The following OSBPL1A variants were observed in gnomAD, a reference collection of about 807,000 sequenced individuals.
OSBPL1A encodes the protein oxysterol-binding protein-related protein 1.
Under a neutral mutation model 137.1 loss-of-function variants are expected in OSBPL1A, and 80 were observed. That is an observed-to-expected ratio of 0.58 (90% CI 0.49 to 0.70). The LOEUF (loss-of-function observed/expected upper bound fraction) is 0.70. Ranked by LOEUF, OSBPL1A falls within the 30% of genes least tolerant of loss-of-function variation. OSBPL1A has a pLI of 0.00. For synonymous variants in OSBPL1A, 365 were observed against 389.7 expected, an observed-to-expected ratio of 0.94 and a Z score of 0.75; for missense variants, 970 against 1,129.4, an observed-to-expected ratio of 0.86 and a Z score of 2.02.
intron 15 of OSBPL1A, among the ~76,000 whole-genome samples, chr18:24,268,348 G>A (rs546457910): frequency 6.6e-6 from 1 of 151,990 alleles, no homozygotes; most frequent in South Asian, 2.1e-4. Context: ...TCAAATTCCT[G>A]AGCTCAGGGG....
intron 7 of OSBPL1A, among the ~76,000 whole-genome samples, chr18:24,331,747 CTTCTGA>C (rs1477684146): frequency 6.6e-6 from 1 of 152,152 alleles, no homozygotes; most frequent in African/African-American, 2.4e-5. Flanking sequence ...TCTTTTCTGG[CTTCTGA>C]TTCTGTCTTT....
chr18:24,281,081 T>A (rs911164344), intron 14 of OSBPL1A, 133 bp from the exon 15 acceptor site: 2 of 544,322 alleles, frequency 3.7e-6, no homozygotes, highest in Non-Finnish European at 6.1e-6. Context: ...ATATCATGTT[T>A]CTTTTCTTTT....
At chr18:24,173,936 C>G (rs2086359349) in intron 21 of OSBPL1A, among the ~76,000 whole-genome samples, 1 of 152,220 alleles carries the variant, frequency 6.6e-6, no homozygotes, top group Non-Finnish European at 1.5e-5. Flanking sequence ...TTATCCCCAA[C>G]AACTGATCTG....
intron 4 of OSBPL1A, among the ~76,000 whole-genome samples, chr18:24,351,304 G>A (rs151092636): frequency 0.012 from 1,655 of 133,050 alleles, 34 homozygotes; most frequent in African/African-American, 0.043. Context: ...AGCTGAGATC[G>A]TGCCACTGCA....
Position 24,239,238 on chromosome 18 carries a change from A to C in OSBPL1A, c.1426T>G (p.Phe476Val). Residue 476 changes from phenylalanine to valine, a missense_variant, in exon 16 of 28, where the codon TTC becomes GTC. By Grantham distance (50) the Phe-to-Val change is conservative (BLOSUM62 -1). Around this residue, in one of 2 missense-constraint regions of OSBPL1A, gnomAD observed 647 missense variants for 672.6 expected, o/e 0.96. Transcript: ENST00000319481. Reference protein sequence around the residue: ...PPASILSEDEFYDALSDSESE... With the variant: ...PPASILSEDEVYDALSDSESE... ...GAGTTACCTGACAGCGCATCATAGA[A>C]CTCGTCCTCGCTAAGGATGCTGGCG... The C allele has an allele frequency of 6.2e-7, 1 of 1,613,848 alleles. No homozygotes were observed. Among genetic ancestry groups the C allele is most frequent in the Non-Finnish European group, 8.5e-7 (1 of 1,179,894 alleles).
intron 25 of OSBPL1A, 74 bp downstream of exon 25, chr18:24,167,255 C>CT (rs34477173): frequency 7.1e-7 from 1 of 1,402,234 alleles, no homozygotes; most frequent in Non-Finnish European, 1.0e-6. Context: ...TGGGCCGACC[C>CT]TACACGTGCC....
At chr18:24,378,587 T>C (rs1247955182) in intron 1 of OSBPL1A, among the ~76,000 whole-genome samples, 1 of 152,224 alleles carries the variant, frequency 6.6e-6, no homozygotes, top group Non-Finnish European at 1.5e-5. Flanking sequence ...TTTGTAATAG[T>C]GGAAAAGTTA....
chr18:24,293,413 G>A (rs1049082588), intron 14 of OSBPL1A, among the ~76,000 whole-genome samples: 1 of 152,120 alleles, frequency 6.6e-6, no homozygotes, highest in East Asian at 1.9e-4. Flanking sequence ...CCGTCCCTCC[G>A]CAGGTCTCCC....
At chr18:24,375,054 C>A (rs1225553416) in intron 2 of OSBPL1A, among the ~76,000 whole-genome samples, 1 of 152,068 alleles carries the variant, frequency 6.6e-6, no homozygotes, top group South Asian at 2.1e-4. Context: ...ATGGATCACA[C>A]CTGTAATCCC....
At chr18:24,326,800 T>G (rs1344296853) in intron 7 of OSBPL1A, among the ~76,000 whole-genome samples, 1 of 152,208 alleles carries the variant, frequency 6.6e-6, no homozygotes, top group Non-Finnish European at 1.5e-5. Context: ...TAAAACTTTT[T>G]AAAAAATATA....
Position 24,318,798 on chromosome 18 carries a change from G to C in OSBPL1A, c.637C>G (p.Leu213Val). The change falls in exon 8 of 28, where the codon CTT becomes GTT. Residue 213 changes from leucine (L) to valine (V), a missense_variant. This residue lies in a region of OSBPL1A where 647 missense variants were observed against 672.6 expected (regional missense o/e 0.96). Coordinates refer to ENST00000319481, the MANE Select transcript of OSBPL1A (RefSeq NM_080597.4). ...NLKNKNDQKP[L>V]DLAQGAEMKH... Reference sequence around the variant, plus strand: ...ATTTCAGCACCCTGGGCAAGGTCAAGAGGTTTCTGATCTGTGCAAAATACA... The same window carrying C: ...ATTTCAGCACCCTGGGCAAGGTCAACAGGTTTCTGATCTGTGCAAAATACA... 1 of 1,613,536 alleles carries C rather than the reference G, an allele frequency of 6.2e-7. No individual in the cohort carries two copies. Among genetic ancestry groups the C allele is most frequent in the South Asian group, 1.1e-5 (1 of 91,048 alleles).
chr18:24,234,317 AT>A (rs1384210795), intron 16 of OSBPL1A, among the ~76,000 whole-genome samples: 1 of 152,122 alleles, frequency 6.6e-6, no homozygotes, highest in African/African-American at 2.4e-5. Context: ...TGACATAACC[AT>A]TTCATTCCTT....
In OSBPL1A at chr18:24,318,666, T is replaced by C. The variant is rs748611391; in HGVS notation, c.688-21A>G. 61 of 1,608,248 alleles carry C rather than the reference T, an allele frequency of 3.8e-5. No individual in the cohort carries two copies. The Admixed American group carries it at 9.7e-4, about 26-fold the overall frequency. The stretch of plus-strand genomic sequence containing the variant: ...ATGACCTGTCAAAAACATGTTTTCA[T>C]GAAAAATGCATCTACATATTTCAAA... On this transcript the variant is annotated intron_variant, in intron 8 of 27. Coordinates refer to ENST00000319481, the MANE Select transcript of OSBPL1A (RefSeq NM_080597.4).
intron 17 of OSBPL1A, among the ~76,000 whole-genome samples, chr18:24,213,779 A>G (rs12607560): frequency 0.19 from 28,450 of 152,162 alleles, 3,266 homozygotes; most frequent in Non-Finnish European, 0.24. Context: ...TTTGACTTTA[A>G]TAAGTTAAAA....
At chr18:24,385,923 G>T (rs1203912179) in intron 1 of OSBPL1A, among the ~76,000 whole-genome samples, 1 of 152,126 alleles carries the variant, frequency 6.6e-6, no homozygotes, top group Non-Finnish European at 1.5e-5. Context: ...TGGTGCTGAG[G>T]AGCTGAGGAA....
intron 14 of OSBPL1A, among the ~76,000 whole-genome samples, chr18:24,292,187 G>C (rs1344420413): frequency 6.6e-6 from 1 of 152,168 alleles, no homozygotes; most frequent in Non-Finnish European, 1.5e-5. Flanking sequence ...TAAAGATTTA[G>C]ATAAGGTAGA....
chr18:24,293,478 C>T lies in OSBPL1A; in HGVS notation c.1174+10159G>A, dbSNP rs1279923258. ...CACAAGTCCGAGGGCCAAGAAGCCCCAGGGCTGAGGCTGCAGTACACAAAG... is the reference window on the plus strand; with the variant it reads ...CACAAGTCCGAGGGCCAAGAAGCCCTAGGGCTGAGGCTGCAGTACACAAAG... On this transcript the variant is annotated intron_variant, in intron 14 of 27. Coordinates refer to ENST00000319481, the MANE Select transcript of OSBPL1A (RefSeq NM_080597.4). Among the ~76,000 whole-genome samples the T allele has an allele frequency of 2.0e-5, 3 of 152,316 alleles. No homozygotes were observed. In the East Asian group the frequency reaches 5.8e-4, roughly 29 times the overall value.
intron 15 of OSBPL1A, among the ~76,000 whole-genome samples, chr18:24,256,340 A>G (rs2089274732): frequency 1.3e-5 from 2 of 152,216 alleles, no homozygotes; most frequent in Admixed American, 6.5e-5. Context: ...CCAGTGTCAT[A>G]CATCATATCA....
chr18:24,391,856 C>T (rs534287169), intron 1 of OSBPL1A, among the ~76,000 whole-genome samples: 25 of 152,242 alleles, frequency 1.6e-4, no homozygotes, highest in African/African-American at 5.8e-4. Context: ...TGCCAAATGG[C>T]ATTTGTACTT....
Sources: allele counts gnomAD v4.1 joint callset (sites outside exome capture counted in the v4.1 genomes callset), GRCh38; gene constraint gnomAD v4.1.1; regional missense constraint gnomAD v4.1.1; transcripts MANE v1.5; gene names NCBI Gene and HGNC (gene_info 2026-07-23, HGNC 2026-07-21).